SPIDR: variants seen among roughly 807,000 people sequenced by gnomAD.
SPIDR encodes DNA repair-scaffolding protein.
SPIDR carries 93 observed loss-of-function variants against 104.6 expected under a neutral mutation model. The ratio of observed to expected loss-of-function variants is 0.89; its 90% CI spans 0.75 to 1.06. The LOEUF (loss-of-function observed/expected upper bound fraction) is 1.06, where lower values mean the gene tolerates loss of function less well. SPIDR is among the 50% of genes least tolerant of loss of function. SPIDR has a pLI of 0.00. For missense variants in SPIDR, 1,154 were observed against 1,111.2 expected (o/e 1.04, Z -0.55); for synonymous variants, 431 against 416.9 (o/e 1.03, Z -0.41).
At chr8:47,589,082 TTATAAAAGGGA>T (rs1374260287) in intron 8 of SPIDR, among the ~76,000 whole-genome samples, 1 of 151,016 alleles carries the variant, frequency 6.6e-6, no homozygotes, top group Non-Finnish European at 1.5e-5. Context: ...AATACTTGCT[TTATAAAAGGGA>T]TTGGAAGTGT....
At chr8:47,478,162 A>G (rs1394284734) in intron 8 of SPIDR, among the ~76,000 whole-genome samples, 3 of 152,218 alleles carry the variant, frequency 2.0e-5, no homozygotes, top group African/African-American at 4.8e-5. Context: ...TGTGTTTTAG[A>G]AAACCCGACA....
chr8:47,633,479 G>C (rs2067377621), intron 10 of SPIDR, among the ~76,000 whole-genome samples: 1 of 150,832 alleles, frequency 6.6e-6, no homozygotes, highest in African/African-American at 2.4e-5. Context: ...GGACCTCCAG[G>C]CCATGCCATC....
chr8:47,324,841 T>A lies in SPIDR; in HGVS notation c.525+30811T>A. Among the ~76,000 whole-genome samples, 2 of 152,186 alleles carry A rather than the reference T, an allele frequency of 1.3e-5. 1 individual carries two copies. The highest frequency in any genetic ancestry group is 2.9e-5 in the Non-Finnish European group (2 of 68,022). ...CTGGATGGCTTCAATAACAGAACTT[T>A]ATTTTCTCACAGTCCTAGAGGCTGG... On this transcript the variant is annotated intron_variant, in intron 5 of 19. Coordinates refer to ENST00000297423, the MANE Select transcript of SPIDR (RefSeq NM_001080394.4).
chr8:47,521,430 ATTT>A, intron 8 of SPIDR, among the ~76,000 whole-genome samples: 1 of 145,080 alleles, frequency 6.9e-6, no homozygotes, highest in Non-Finnish European at 1.5e-5. Context: ...TTTTGTTGTG[ATTT>A]TTTTTTCTTT....
At chr8:47,487,160 A>G (rs2077779799) in intron 8 of SPIDR, among the ~76,000 whole-genome samples, 1 of 138,582 alleles carries the variant, frequency 7.2e-6, no homozygotes, top group South Asian at 2.5e-4. Context: ...AGGAAGATCT[A>G]CCAAGCAAAT....
Position 47,736,051 on chromosome 8 carries a change from C to A in SPIDR, c.*601C>A, listed in dbSNP as rs1022112328. 1.9e-5 allele frequency: 3 copies of A among 160,584 alleles called. No individual in the cohort carries two copies. The highest frequency in any genetic ancestry group is 7.2e-5 in the African/African-American group (3 of 41,452). The allele number at this position is 160,584 out of a possible 1,614,324, so 9.9% of individuals were successfully genotyped here. On this transcript the variant is annotated 3_prime_UTR_variant, in exon 20 of 20. Transcript: ENST00000297423. Reference sequence around the variant, plus strand: ...ATGGTGGTGGGGATAGCTGGCTCCACCACACACACCTGTTTTAATTAGGCT... The same window carrying A: ...ATGGTGGTGGGGATAGCTGGCTCCAACACACACACCTGTTTTAATTAGGCT...
intron 16 of SPIDR, among the ~76,000 whole-genome samples, chr8:47,722,184 A>C (rs1003429345): frequency 1.3e-5 from 2 of 152,180 alleles, no homozygotes; most frequent in African/African-American, 4.8e-5. Context: ...CCAATCGTTC[A>C]TTGAGTTTCA....
chr8:47,578,869 A>G (rs1162780550), intron 8 of SPIDR, among the ~76,000 whole-genome samples: 1 of 152,210 alleles, frequency 6.6e-6, no homozygotes, highest in African/African-American at 2.4e-5. Flanking sequence ...CAATATTTTT[A>G]TCAGTTTCTT....
At position 47,319,898 on chromosome 8, in the gene SPIDR, C is replaced by T. The variant is rs1365595256; in HGVS notation, c.525+25868C>T. Among the ~76,000 whole-genome samples the T allele has an allele frequency of 8.6e-5, 13 of 151,886 alleles. 1 individual carries two copies. Among genetic ancestry groups the T allele is most frequent in the East Asian group, 7.8e-4 (4 of 5,120 alleles). On this transcript the variant is annotated intron_variant, in intron 5 of 19. Transcript: ENST00000297423. ...AAATAAAGATGTTCTTGGAAACCAA[C>T]GAGAGCAAAGACACAACATAACCAG...
intron 16 of SPIDR, 91 bp from the exon 17 acceptor site, chr8:47,727,109 C>G: frequency 9.8e-7 from 1 of 1,024,098 alleles, no homozygotes; most frequent in Non-Finnish European, 1.5e-6. Flanking sequence ...AATCACGAGG[C>G]CCCTCATGTT....
At chr8:47,651,582 A>G (rs936841906) in intron 10 of SPIDR, among the ~76,000 whole-genome samples, 5 of 152,182 alleles carry the variant, frequency 3.3e-5, no homozygotes, top group African/African-American at 1.2e-4. Context: ...ATTTGATTCA[A>G]CATTTCCACT....
At chr8:47,420,333 C>T (rs1162136310) in intron 7 of SPIDR, among the ~76,000 whole-genome samples, 3 of 152,118 alleles carry the variant, frequency 2.0e-5, no homozygotes, top group African/African-American at 7.2e-5. Context: ...GGATAGTTAG[C>T]TCTTCTTGTT....
At chr8:47,480,127 C>T (rs1222988415) in intron 8 of SPIDR, among the ~76,000 whole-genome samples, 1 of 152,204 alleles carries the variant, frequency 6.6e-6, no homozygotes, top group Non-Finnish European at 1.5e-5. Flanking sequence ...TATCCATCCA[C>T]TACTCATGAG....
intron 8 of SPIDR, among the ~76,000 whole-genome samples, chr8:47,485,744 G>A (rs529992596): frequency 6.6e-6 from 1 of 152,184 alleles, no homozygotes; most frequent in Non-Finnish European, 1.5e-5. Context: ...AGGCAAACAG[G>A]GTCTGGAGTG....
chr8:47,371,665 T>A (rs1054022957), intron 5 of SPIDR, among the ~76,000 whole-genome samples: 13 of 152,314 alleles, frequency 8.5e-5, no homozygotes, highest in South Asian at 2.1e-4. Flanking sequence ...GGGAGACACA[T>A]TCAGTGTAAT....
chr8:47,543,706 A>T (rs898708114), intron 8 of SPIDR, among the ~76,000 whole-genome samples: 1 of 152,216 alleles, frequency 6.6e-6, no homozygotes, highest in African/African-American at 2.4e-5. Flanking sequence ...CCAGGGGTGG[A>T]ATTTTTGGCC....
chr8:47,351,094 C>T (rs144951195), intron 5 of SPIDR, among the ~76,000 whole-genome samples: 15 of 152,282 alleles, frequency 9.9e-5, no homozygotes, highest in South Asian at 2.1e-4. Context: ...GCTGTGTTCA[C>T]GTCACTCTTA....
chr8:47,325,080 C>T (rs1208780562), intron 5 of SPIDR, among the ~76,000 whole-genome samples: 1 of 152,122 alleles, frequency 6.6e-6, no homozygotes, highest in Non-Finnish European at 1.5e-5. Flanking sequence ...AAGAACATTA[C>T]ATTCTGAGGA....
At chr8:47,621,245 A>G (rs577287397) in intron 10 of SPIDR, among the ~76,000 whole-genome samples, 21 of 152,310 alleles carry the variant, frequency 1.4e-4, no homozygotes, top group East Asian at 3.9e-4. Context: ...GTGAGCCACC[A>G]CGCCCGGCCA....
Sources: allele counts gnomAD v4.1 joint callset (sites outside exome capture counted in the v4.1 genomes callset), GRCh38; gene constraint gnomAD v4.1.1; transcripts MANE v1.5; gene names NCBI Gene and HGNC (gene_info 2026-07-23, HGNC 2026-07-21).